The following ARHGEF10 variants were observed in gnomAD, a reference collection of about 807,000 sequenced individuals.
ARHGEF10 encodes the protein Rho guanine nucleotide exchange factor 10, also known as Rho guanine nucleotide exchange factor (GEF) 10.
Under a neutral mutation model 147.4 loss-of-function variants are expected in ARHGEF10, and 140 were observed. The ratio of observed to expected loss-of-function variants is 0.95; its 90% CI spans 0.83 to 1.09. The LOEUF (loss-of-function observed/expected upper bound fraction) is 1.09. Among genes scored for constraint, ARHGEF10 ranks in the 50% least tolerant of loss-of-function variants. The probability of loss-of-function intolerance (pLI) is 0.00; values close to 1 mark genes in which losing one functional copy is unlikely to be tolerated. For synonymous variants in ARHGEF10, 902 were observed against 695.8 expected, an observed-to-expected ratio of 1.30 and a Z score of -4.67; for missense variants, 2,222 against 1,752.7, an observed-to-expected ratio of 1.27 and a Z score of -4.78.
intron 15 of ARHGEF10, among the ~76,000 whole-genome samples, chr8:1,900,471 C>T (rs986953850): frequency 6.6e-6 from 1 of 152,146 alleles, no homozygotes; most frequent in African/African-American, 2.4e-5. Context: ...GGGATTCTAA[C>T]ACAGTTGTCT....
Position 1,898,457 on chromosome 8 carries a change from C to G in ARHGEF10, c.1582C>G (p.Arg528Gly), listed in dbSNP as rs969663588. 1.9e-6 allele frequency: 3 copies of G among 1,614,088 alleles called. No homozygotes were observed. The highest frequency in any genetic ancestry group is 1.7e-5 in the Admixed American group (1 of 60,012). Reference protein sequence around the residue: ...LKQEQEASPDRTTLYSLMMKP... With the variant: ...LKQEQEASPDGTTLYSLMMKP... ...GCAGGAACAGGAGGCCAGCCCCGAT[C>G]GAACCACGCTCTACAGCCTGATGAT... Residue 528 changes from arginine to glycine, a missense_variant, in exon 15 of 29, where the codon CGA becomes GGA. By Grantham distance (125) the Arg-to-Gly change is moderately radical (BLOSUM62 -2). Coordinates refer to ENST00000349830, the MANE Select transcript of ARHGEF10 (RefSeq NM_014629.4).
At chr8:1,876,902 T>C (rs1011222487) in intron 8 of ARHGEF10, among the ~76,000 whole-genome samples, 168 bp downstream of exon 8, 5 of 152,242 alleles carry the variant, frequency 3.3e-5, no homozygotes, top group African/African-American at 4.8e-5. Context: ...GTGTCTTGTT[T>C]CATATAGTTA....
At chr8:1,872,584 T>C (rs1413850322) in intron 7 of ARHGEF10, among the ~76,000 whole-genome samples, 1 of 152,224 alleles carries the variant, frequency 6.6e-6, no homozygotes, top group Admixed American at 6.5e-5. Context: ...GAAGCTCTTG[T>C]AACACGATTT....
At chr8:1,942,731 A>G (rs1303308625) in intron 26 of ARHGEF10, among the ~76,000 whole-genome samples, 3 of 152,350 alleles carry the variant, frequency 2.0e-5, no homozygotes, top group East Asian at 3.9e-4. Flanking sequence ...TGGTTCCTTC[A>G]TACATGAGGA....
intron 11 of ARHGEF10, among the ~76,000 whole-genome samples, chr8:1,889,674 GGGTCGTGAGGAAACAGTGGGGTGAA>G (rs1809252110): frequency 1.0e-5 from 1 of 98,544 alleles, no homozygotes; most frequent in Non-Finnish European, 2.0e-5. Context: ...AGTGGGGTGA[GGGTCGTGAGGAAACAGTGGGGTGAA>G]GGTTTGTGAG....
rs546599899 is a variant in ARHGEF10, at chr8:1,948,268, C to T, written c.3397+2613C>T. 3.3e-5 allele frequency among the ~76,000 whole-genome samples: 5 copies of T among 152,286 alleles called. No individual in the cohort carries two copies. Among genetic ancestry groups the T allele is most frequent in the East Asian group, 1.9e-4 (1 of 5,166 alleles). On this transcript the variant is annotated intron_variant, in intron 27 of 28. Coordinates refer to ENST00000349830, the MANE Select transcript of ARHGEF10 (RefSeq NM_014629.4). This position sits in a 1 kb window ranked among gnomAD's most constrained non-coding sequence, Gnocchi z 4.9. ...CACAGTGCGTGCTCTCAGCCCCCTG[C>T]TCCGGGGGCCCCTGAATCGTGGGTC...
chr8:1,912,950 C>T (rs985424984), intron 18 of ARHGEF10, among the ~76,000 whole-genome samples: 2 of 152,186 alleles, frequency 1.3e-5, no homozygotes, highest in African/African-American at 2.4e-5. Flanking sequence ...TCCACCCGGC[C>T]GCTGTTCCTT....
intron 18 of ARHGEF10, among the ~76,000 whole-genome samples, chr8:1,913,644 C>T (rs1411116230): frequency 6.6e-6 from 1 of 152,194 alleles, no homozygotes; most frequent in Non-Finnish European, 1.5e-5. Flanking sequence ...GGCAGCTTGC[C>T]TAGAAGGGGC....
At position 1,942,260 on chromosome 8, in the gene ARHGEF10, C is replaced by A. The variant is rs910822447; in HGVS notation, c.3223-3221C>A. Among the ~76,000 whole-genome samples the A allele has an allele frequency of 3.3e-5, 5 of 149,468 alleles. No homozygotes were observed. The Admixed American group carries it at 3.4e-4, about 10-fold the overall frequency. ...CAGAGCATCTAACTCACTCTTAGAT[C>A]TTAATAAAAAGAAAAGTAACGCTAT... On this transcript the variant is annotated intron_variant, in intron 26 of 28. Transcript: ENST00000349830.
chr8:1,893,693 T>G, intron 12 of ARHGEF10, 47 bp downstream of exon 12: 1 of 1,361,002 alleles, frequency 7.3e-7, no homozygotes, highest in Non-Finnish European at 1.1e-6. Context: ...TATTATTCTT[T>G]TTTACCTATA....
At chr8:1,911,961 A>G (rs139039351) in intron 18 of ARHGEF10, among the ~76,000 whole-genome samples, 126 of 152,342 alleles carry the variant, frequency 8.3e-4, no homozygotes, top group Middle Eastern at 3.4e-3. Context: ...CTAAGTCAGA[A>G]ATTCTCATTC....
At chr8:1,955,172 A>C (rs1815410299) in intron 28 of ARHGEF10, among the ~76,000 whole-genome samples, 1 of 141,652 alleles carries the variant, frequency 7.1e-6, no homozygotes, top group Non-Finnish European at 1.5e-5. Flanking sequence ...GCTCCCTGAA[A>C]GGAGGTGCAC....
chr8:1,922,552 C>A (rs1812375434), intron 18 of ARHGEF10, among the ~76,000 whole-genome samples: 1 of 152,136 alleles, frequency 6.6e-6, no homozygotes, highest in Non-Finnish European at 1.5e-5. Flanking sequence ...AGGGACGTGA[C>A]CACCGAACGC....
chr8:1,867,134 T>C (rs963736984), intron 6 of ARHGEF10, among the ~76,000 whole-genome samples: 4 of 152,210 alleles, frequency 2.6e-5, no homozygotes, highest in African/African-American at 4.8e-5. Flanking sequence ...AATTTACCTT[T>C]GGCAGAAACA....
chr8:1,939,599 C>A (rs575936266), intron 26 of ARHGEF10, among the ~76,000 whole-genome samples: 1 of 152,348 alleles, frequency 6.6e-6, no homozygotes, highest in East Asian at 1.9e-4. Flanking sequence ...ACAGGGCCCT[C>A]GGCAGCTGCC....
At chr8:1,898,104 T>C (rs1335071447) in intron 14 of ARHGEF10, among the ~76,000 whole-genome samples, 1 of 151,920 alleles carries the variant, frequency 6.6e-6, no homozygotes, top group Non-Finnish European at 1.5e-5. Flanking sequence ...CCGGAAGAGG[T>C]TGCCAGCCTT....
chr8:1,888,215 A>T (rs1808928162), intron 11 of ARHGEF10, among the ~76,000 whole-genome samples: 3 of 46,592 alleles, frequency 6.4e-5, no homozygotes, highest in African/African-American at 3.5e-4. Context: ...TAGTGGGGCG[A>T]GGGTTGCGAG....
At chr8:1,863,053 G>C (rs1806282482) in intron 4 of ARHGEF10, among the ~76,000 whole-genome samples, 1 of 152,130 alleles carries the variant, frequency 6.6e-6, no homozygotes, top group Non-Finnish European at 1.5e-5. Flanking sequence ...AAAGTGCTGG[G>C]ATTACAGGCA....
intron 15 of ARHGEF10, among the ~76,000 whole-genome samples, chr8:1,899,663 T>C (rs1337647208): frequency 6.6e-6 from 1 of 152,276 alleles, no homozygotes; most frequent in Non-Finnish European, 1.5e-5. Flanking sequence ...TTTAACAATG[T>C]GCAGTTTGCC....
Sources: allele counts gnomAD v4.1 joint callset (sites outside exome capture counted in the v4.1 genomes callset), GRCh38; gene constraint gnomAD v4.1.1; non-coding constraint Gnocchi (gnomAD v3.1); transcripts MANE v1.5; gene names NCBI Gene and HGNC (gene_info 2026-07-23, HGNC 2026-07-21).